ATP9A: variants seen among roughly 807,000 people sequenced by gnomAD.
ATP9A encodes ATPase phospholipid transporting 9A.
Under a neutral mutation model 144.1 loss-of-function variants are expected in ATP9A, and 52 were observed. The observed-to-expected ratio is 0.36, with a 90% CI of 0.29 to 0.45. ATP9A has a LOEUF of 0.45. Ranked by LOEUF, ATP9A falls within the 20% of genes least tolerant of loss-of-function variation. The pLI, the probability that ATP9A is intolerant of heterozygous loss-of-function variation, is 1.00. For synonymous variants in ATP9A, 582 were observed against 557.4 expected (o/e 1.04, Z -0.62); for missense variants, 947 against 1,392.7 (o/e 0.68, Z 5.09).
At chr20:51,701,377 G>A (rs912818818) in intron 4 of ATP9A, among the ~76,000 whole-genome samples, 3 of 152,118 alleles carry the variant, frequency 2.0e-5, no homozygotes, top group South Asian at 2.1e-4. Flanking sequence ...TCCATTAAGC[G>A]TAAGGTTGCT....
At chr20:51,645,822 GAT>G (rs1448762207) in intron 14 of ATP9A, among the ~76,000 whole-genome samples, 12 of 152,282 alleles carry the variant, frequency 7.9e-5, no homozygotes, top group African/African-American at 2.9e-4. Flanking sequence ...AAAACAAAGT[GAT>G]ATACAACAAG....
rs573929775 is a variant in ATP9A, at chr20:51,708,464, G to A, written c.436+4502C>T. 4.6e-5 allele frequency among the ~76,000 whole-genome samples: 7 copies of A among 152,298 alleles called. No individual in the cohort carries two copies. In the East Asian group the frequency reaches 1.2e-3, roughly 25 times the overall value. The stretch of plus-strand genomic sequence containing the variant: ...TGTTTAAAATTACTGGCCAGGCATG[G>A]TGGCTCACACCTGTAATCCCAGACC... On this transcript the variant is annotated intron_variant, in intron 4 of 27. Transcript: ENST00000338821.
intron 26 of ATP9A, among the ~76,000 whole-genome samples, chr20:51,607,308 C>T (rs2077167342): frequency 6.6e-6 from 1 of 152,222 alleles, no homozygotes; most frequent in Non-Finnish European, 1.5e-5. Context: ...CCACTGCCTT[C>T]CTCTGGCTTC....
intron 1 of ATP9A, among the ~76,000 whole-genome samples, chr20:51,748,182 C>T (rs1198423498): frequency 6.6e-6 from 1 of 152,172 alleles, no homozygotes. Context: ...CAGTGGCTCA[C>T]GCCTGTAATC....
rs6013230 is a variant in ATP9A, at chr20:51,612,486, G to A, written c.2571+1191C>T. Among the ~76,000 whole-genome samples the A allele has an allele frequency of 8.4e-3, 1,286 of 152,232 alleles. 19 individuals carry two copies. The highest frequency in any genetic ancestry group is 0.029 in the African/African-American group (1,212 of 41,540). On this transcript the variant is annotated intron_variant, in intron 23 of 27. Transcript: ENST00000338821. Reference sequence around the variant, plus strand: ...GTTGCCCAGGCTGGAGTGCAGTGGCGCAATCTCAGCTCACTGCAACCTCCA... The same window carrying A: ...GTTGCCCAGGCTGGAGTGCAGTGGCACAATCTCAGCTCACTGCAACCTCCA...
At chr20:51,654,502 G>C (rs1394110106) in intron 14 of ATP9A, among the ~76,000 whole-genome samples, 1 of 150,790 alleles carries the variant, frequency 6.6e-6, no homozygotes, top group Non-Finnish European at 1.5e-5. Flanking sequence ...TGGTACAAGA[G>C]TTAAATGTTT....
chr20:51,694,331 T>C (rs1431761559), intron 6 of ATP9A, among the ~76,000 whole-genome samples: 2 of 152,206 alleles, frequency 1.3e-5, no homozygotes, highest in Non-Finnish European at 2.9e-5. Flanking sequence ...CCCCAGCTAG[T>C]TTCTTGGACT....
chr20:51,743,631 C>T (rs2122892375), intron 1 of ATP9A, among the ~76,000 whole-genome samples: 1 of 148,280 alleles, frequency 6.7e-6, no homozygotes, highest in African/African-American at 2.4e-5. Context: ...TCTTGAACTA[C>T]TGACCTCGTG....
chr20:51,730,844 T>C (rs984460769), intron 1 of ATP9A, among the ~76,000 whole-genome samples: 1 of 152,162 alleles, frequency 6.6e-6, no homozygotes, highest in Non-Finnish European at 1.5e-5. Context: ...TTGGTTGATA[T>C]GTCATTATGT....
At chr20:51,656,671 G>A (rs1186245877) in intron 14 of ATP9A, among the ~76,000 whole-genome samples, 4 of 152,140 alleles carry the variant, frequency 2.6e-5, no homozygotes, top group African/African-American at 9.7e-5. Context: ...TGGTTTAAAT[G>A]GGACCTTGTG....
chr20:51,613,454 A>G (rs2077191863), intron 23 of ATP9A, among the ~76,000 whole-genome samples: 1 of 152,198 alleles, frequency 6.6e-6, no homozygotes, highest in Non-Finnish European at 1.5e-5. Flanking sequence ...CTTGAGCACC[A>G]AGAAGTTCAG....
At chr20:51,766,912 C>G (rs1396354960) in intron 1 of ATP9A, among the ~76,000 whole-genome samples, 2 of 151,974 alleles carry the variant, frequency 1.3e-5, no homozygotes, top group African/African-American at 2.4e-5. Flanking sequence ...ATCTTTGGGT[C>G]AGACAATCCG....
chr20:51,714,426 G>C (rs1043055496), intron 3 of ATP9A, among the ~76,000 whole-genome samples: 1 of 151,942 alleles, frequency 6.6e-6, no homozygotes, highest in African/African-American at 2.4e-5. Flanking sequence ...CTGTTACCCA[G>C]GATGGAGTGC....
At chr20:51,750,285 C>A (rs1203700577) in intron 1 of ATP9A, among the ~76,000 whole-genome samples, 1 of 152,220 alleles carries the variant, frequency 6.6e-6, no homozygotes, top group Non-Finnish European at 1.5e-5. Flanking sequence ...TCACCTCCCC[C>A]AGGCCTGGCA....
chr20:51,685,787 C>A (rs781586802), intron 9 of ATP9A, among the ~76,000 whole-genome samples: 1 of 152,100 alleles, frequency 6.6e-6, no homozygotes, highest in Non-Finnish European at 1.5e-5. Context: ...ACTAGTTAAA[C>A]CATTGTGGAA....
chr20:51,613,981 G>A (rs2077193794), intron 22 of ATP9A, 149 bp from the exon 23 acceptor site: 2 of 732,720 alleles, frequency 2.7e-6, no homozygotes, highest in Admixed American at 3.2e-5. Context: ...GCAGTTGGTG[G>A]TCCAAGTCTA....
At chr20:51,737,948 G>C (rs1017166340) in intron 1 of ATP9A, among the ~76,000 whole-genome samples, 1 of 152,020 alleles carries the variant, frequency 6.6e-6, no homozygotes, top group African/African-American at 2.4e-5. Context: ...CAGATTCTTA[G>C]GAGACTGAAG....
chr20:51,610,249 T>C, intron 23 of ATP9A, 84 bp from the exon 24 acceptor site: 1 of 1,125,818 alleles, frequency 8.9e-7, no homozygotes, highest in Non-Finnish European at 1.3e-6. Context: ...ACCTGATACT[T>C]ACATAACACC....
At chr20:51,739,348 T>TA (rs1385457832) in intron 1 of ATP9A, among the ~76,000 whole-genome samples, 1 of 145,222 alleles carries the variant, frequency 6.9e-6, no homozygotes, top group Non-Finnish European at 1.5e-5. Context: ...CTACACTCAC[T>TA]CTTTTTTTTT....
Sources: gnomAD v4.1 joint callset for allele counts (sites outside exome capture counted in the v4.1 genomes callset) on GRCh38, gnomAD v4.1.1 for gene constraint, MANE v1.5 for transcripts, NCBI Gene and HGNC (gene_info 2026-07-23, HGNC 2026-07-21) for gene names.